Variants in BNC2 observed in about 807,000 individuals in gnomAD.
BNC2 encodes zinc finger protein basonuclin-2.
In BNC2, 20 loss-of-function variants were observed where a neutral mutation model predicts 76.3. The observed-to-expected ratio is 0.26, with a 90% confidence interval of 0.18 to 0.38. The LOEUF (loss-of-function observed/expected upper bound fraction) is 0.38. Ranked by LOEUF, BNC2 falls within the 10% of genes least tolerant of loss-of-function variation. The pLI, the probability that BNC2 is intolerant of heterozygous loss-of-function variation, is 1.00. For missense variants in BNC2, 1,382 were observed against 1,399.8 expected (o/e 0.99, Z 0.20); for synonymous variants, 582 against 514.8 (o/e 1.13, Z -1.77).
intron 4 of BNC2, among the ~76,000 whole-genome samples, chr9:16,566,092 G>A (rs144852151): frequency 2.1e-3 from 321 of 152,036 alleles, no homozygotes; most frequent in Middle Eastern, 6.8e-3. Context: ...TTCCCGTTTC[G>A]ATTTATATTC....
At chr9:16,560,546 CA>C (rs35877425) in intron 4 of BNC2, among the ~76,000 whole-genome samples, 82,804 of 148,478 alleles carry the variant, frequency 0.56, 25,924 homozygotes, top group African/African-American at 0.87. Flanking sequence ...ACCATGTCCA[CA>C]AAAAAAAAAT....
At chr9:16,535,620 C>G (rs950898566) in intron 5 of BNC2, among the ~76,000 whole-genome samples, 1 of 152,088 alleles carries the variant, frequency 6.6e-6, no homozygotes, top group Non-Finnish European at 1.5e-5. Flanking sequence ...CATCCTGGCT[C>G]AGGACTCCTT....
chr9:16,701,866 C>T (rs186791312), intron 3 of BNC2, among the ~76,000 whole-genome samples: 1,333 of 122,334 alleles, frequency 0.011, 13 homozygotes, highest in African/African-American at 0.036. Context: ...CACTTGAACC[C>T]GGGAGGCGGA....
intron 5 of BNC2, among the ~76,000 whole-genome samples, chr9:16,461,404 G>C (rs114615969): frequency 0.023 from 3,535 of 152,268 alleles, 125 homozygotes; most frequent in East Asian, 0.11. Context: ...GAAGCCACTT[G>C]AATGAGGATT....
intron 3 of BNC2, among the ~76,000 whole-genome samples, chr9:16,718,190 G>C (rs571185210): frequency 3.8e-4 from 58 of 152,160 alleles, no homozygotes; most frequent in Non-Finnish European, 6.3e-4. Flanking sequence ...CAGGCTGACA[G>C]GCAGGCAGGG....
intron 1 of BNC2, among the ~76,000 whole-genome samples, chr9:16,826,227 G>A (rs570432224): frequency 3.7e-5 from 4 of 108,938 alleles, no homozygotes; most frequent in African/African-American, 1.5e-4. Context: ...ACTCCCCCCC[G>A]CTCAATCTTC....
At chr9:16,502,016 A>G (rs1156348835) in intron 5 of BNC2, among the ~76,000 whole-genome samples, 1 of 152,202 alleles carries the variant, frequency 6.6e-6, no homozygotes, top group East Asian at 1.9e-4. Flanking sequence ...CCCAAGAAAA[A>G]GGTCTCCTCA....
intron 1 of BNC2, among the ~76,000 whole-genome samples, chr9:16,800,266 T>G (rs1477897784): frequency 6.7e-6 from 1 of 150,368 alleles, no homozygotes; most frequent in African/African-American, 2.4e-5. Flanking sequence ...AGGGGTGGCA[T>G]GGGATGGCAG....
intron 1 of BNC2, among the ~76,000 whole-genome samples, chr9:16,813,884 G>T (rs546658928): frequency 1.3e-5 from 2 of 152,094 alleles, no homozygotes; most frequent in Non-Finnish European, 2.9e-5. Context: ...AAAGCAATGG[G>T]AATATGGTTT....
intron 1 of BNC2, among the ~76,000 whole-genome samples, chr9:16,777,573 T>C (rs199684115): frequency 5.3e-5 from 8 of 151,388 alleles, no homozygotes; most frequent in African/African-American, 1.7e-4. Context: ...TGGTGGCGGG[T>C]GCCTGTAGTC....
At chr9:16,793,628 G>A (rs1817570232) in intron 1 of BNC2, among the ~76,000 whole-genome samples, 1 of 146,528 alleles carries the variant, frequency 6.8e-6, no homozygotes, top group South Asian at 2.2e-4. Flanking sequence ...CCCACCCAAA[G>A]GGGTACTTGC....
rs142477656 is a variant in BNC2 at position 16,734,990 on chromosome 9, T to C, written c.129+3370A>G. ...GTACCAACTAAAACAATCAATGTAA[T>C]ACAGTATCTGCTGACAGCCTAATCA... On this transcript the variant is annotated intron_variant, in intron 2 of 6. Coordinates refer to ENST00000380672, the MANE Select transcript of BNC2 (RefSeq NM_017637.6). Among the ~76,000 whole-genome samples, 714 of 152,236 alleles carry C rather than the reference T, an allele frequency of 4.7e-3. 2 individuals carry two copies. The highest frequency in any genetic ancestry group is 0.016 in the African/African-American group (677 of 41,530).
At chr9:16,502,677 T>C (rs1822546030) in intron 5 of BNC2, among the ~76,000 whole-genome samples, 1 of 152,106 alleles carries the variant, frequency 6.6e-6, no homozygotes, top group Non-Finnish European at 1.5e-5. Flanking sequence ...CACAGAATCA[T>C]GTAGGAAAGC....
chr9:16,470,027 C>T (rs1450032182), intron 5 of BNC2, among the ~76,000 whole-genome samples: 1 of 139,902 alleles, frequency 7.1e-6, no homozygotes, highest in Non-Finnish European at 1.5e-5. Flanking sequence ...AGATGGAGTC[C>T]CGCTCTGTTG....
rs537966115 is a variant in BNC2 at position 16,420,661 on chromosome 9, T to TTGTA, written c.2640-1016_2640-1013dup. Among the ~76,000 whole-genome samples the TTGTA allele has an allele frequency of 7.9e-5, 12 of 151,840 alleles. No individual in the cohort carries two copies. In the East Asian group the frequency reaches 1.4e-3, roughly 17 times the overall value. The stretch of plus-strand genomic sequence containing the variant: ...TTATTCTACTCACTCAGTGCTTTGC[T>TTGTA]TGTATGTATGTATGTATATACATAC... On this transcript the variant is annotated intron_variant, in intron 6 of 6. Coordinates refer to ENST00000380672, the MANE Select transcript of BNC2 (RefSeq NM_017637.6).
At chr9:16,498,580 GGT>G (rs1361936815) in intron 5 of BNC2, among the ~76,000 whole-genome samples, 1 of 150,770 alleles carries the variant, frequency 6.6e-6, no homozygotes, top group Non-Finnish European at 1.5e-5. Flanking sequence ...ACGGCTGATG[GGT>G]GCACCAAAAT....
intron 3 of BNC2, among the ~76,000 whole-genome samples, chr9:16,638,541 T>A (rs892841613): frequency 3.9e-5 from 6 of 152,172 alleles, no homozygotes; most frequent in African/African-American, 1.4e-4. Context: ...CTACACATGA[T>A]TCTTCAGGCT....
chr9:16,674,423 C>T (rs772642462), intron 3 of BNC2, among the ~76,000 whole-genome samples: 2 of 152,056 alleles, frequency 1.3e-5, no homozygotes, highest in Non-Finnish European at 2.9e-5. Flanking sequence ...TCTTTTAAAA[C>T]CCCTAAAAAA....
chr9:16,685,070 A>G (rs914560402), intron 3 of BNC2, among the ~76,000 whole-genome samples: 1 of 152,176 alleles, frequency 6.6e-6, no homozygotes, highest in African/African-American at 2.4e-5. Flanking sequence ...AGGAAGCATG[A>G]CTTACTCACA....
Sources: allele counts gnomAD v4.1 joint callset (sites outside exome capture counted in the v4.1 genomes callset), GRCh38; gene constraint gnomAD v4.1.1; transcripts MANE v1.5; gene names NCBI Gene and HGNC (gene_info 2026-07-23, HGNC 2026-07-21).